ASAP1: variants seen among roughly 807,000 people sequenced by gnomAD.
The protein encoded by ASAP1 is arf-GAP with SH3 domain, ANK repeat and PH domain-containing protein 1.
ASAP1 carries 43 observed loss-of-function variants against 145.2 expected under a neutral mutation model. The observed-to-expected ratio is 0.30, with a 90% CI of 0.23 to 0.38. The LOEUF (loss-of-function observed/expected upper bound fraction) is 0.38. Ranked by LOEUF, ASAP1 falls within the 10% of genes least tolerant of loss-of-function variation. The pLI, the probability that ASAP1 is intolerant of heterozygous loss-of-function variation, is 1.00. For synonymous variants in ASAP1, 546 were observed against 515.5 expected (o/e 1.06, Z -0.80); for missense variants, 1,018 against 1,355.3 (o/e 0.75, Z 3.91).
intron 24 of ASAP1, among the ~76,000 whole-genome samples, chr8:130,100,244 T>C (rs2097526330): frequency 6.6e-6 from 1 of 152,244 alleles, no homozygotes; most frequent in Non-Finnish European, 1.5e-5. Flanking sequence ...GTGGTTTTGA[T>C]TTACATTTCT....
intron 25 of ASAP1, among the ~76,000 whole-genome samples, chr8:130,081,573 T>C (rs1057163512): frequency 8.8e-6 from 1 of 113,164 alleles, no homozygotes; most frequent in Non-Finnish European, 1.8e-5. Context: ...GGAGGGCAGA[T>C]GAAGAGGGCA....
intron 2 of ASAP1, among the ~76,000 whole-genome samples, chr8:130,383,843 T>C (rs1827891646): frequency 1.3e-5 from 2 of 152,266 alleles, no homozygotes; most frequent in Non-Finnish European, 2.9e-5. Flanking sequence ...GACACCTAAC[T>C]GATACAGAAG....
intron 5 of ASAP1, among the ~76,000 whole-genome samples, chr8:130,191,856 G>A (rs1018870591): frequency 7.9e-5 from 12 of 152,174 alleles, no homozygotes; most frequent in East Asian, 7.7e-4. Context: ...AGAGAGGGGC[G>A]GGGAACAGGT....
rs372868568 is a variant in ASAP1 at position 130,189,298 on chromosome 8, C to T, written c.406-1115G>A. 4.6e-5 allele frequency among the ~76,000 whole-genome samples: 7 copies of T among 152,230 alleles called. No homozygotes were observed. In the East Asian group the frequency reaches 1.4e-3, roughly 29 times the overall value. ...TGTATTTTTGTACCTAATAACCAATCCCTCTTTATTCCCTCCTCCCCACTA... is the reference window on the plus strand; with the variant it reads ...TGTATTTTTGTACCTAATAACCAATTCCTCTTTATTCCCTCCTCCCCACTA... On this transcript the variant is annotated intron_variant, in intron 5 of 29. Coordinates refer to ENST00000518721, the MANE Select transcript of ASAP1 (RefSeq NM_018482.4).
chr8:130,271,630 GATA>G (rs1289908883), intron 3 of ASAP1, among the ~76,000 whole-genome samples: 3 of 152,140 alleles, frequency 2.0e-5, no homozygotes, highest in African/African-American at 7.2e-5. Context: ...TTAGGAGTAT[GATA>G]CAAGCCCCAA....
intron 1 of ASAP1, among the ~76,000 whole-genome samples, chr8:130,432,759 GC>G (rs1830181585): frequency 6.6e-6 from 1 of 151,906 alleles, no homozygotes; most frequent in Admixed American, 6.5e-5. Context: ...TTTTTAAGAT[GC>G]AGAAAAATCT....
intron 5 of ASAP1, among the ~76,000 whole-genome samples, chr8:130,188,723 C>CAAAAAAAAAAAAAAAAAAAAAAAA (rs370580190): frequency 3.6e-5 from 3 of 83,844 alleles, no homozygotes; most frequent in African/African-American, 9.4e-5. Context: ...GAGACTCTCT[C>CAAAAAAAAAAAAAAAAAAAAAAAA]AAAAAAAAAA....
intron 18 of ASAP1, among the ~76,000 whole-genome samples, chr8:130,122,891 C>T (rs1713476558): frequency 6.6e-6 from 1 of 152,192 alleles, no homozygotes; most frequent in Non-Finnish European, 1.5e-5. Context: ...GCTGTGCCTT[C>T]AAGGTTTGGG....
intron 1 of ASAP1, 80 bp from the exon 2 acceptor site, chr8:130,402,050 G>A (rs778137161): frequency 1.2e-4 from 113 of 921,142 alleles, no homozygotes; most frequent in Admixed American, 8.0e-4. Flanking sequence ...GACCAAGATC[G>A]GATTTCATAT....
At chr8:130,304,580 C>G (rs992038499) in intron 3 of ASAP1, among the ~76,000 whole-genome samples, 1 of 152,230 alleles carries the variant, frequency 6.6e-6, no homozygotes, top group African/African-American at 2.4e-5. Flanking sequence ...TTCTATGCAT[C>G]TGCCCACCCC....
At chr8:130,356,134 C>T (rs1565240769) in intron 3 of ASAP1, among the ~76,000 whole-genome samples, 1 of 152,350 alleles carries the variant, frequency 6.6e-6, no homozygotes, top group East Asian at 1.9e-4. Context: ...TCAACAGCAA[C>T]TGCATGTAAT....
At chr8:130,338,173 A>G (rs1320223932) in intron 3 of ASAP1, among the ~76,000 whole-genome samples, 1 of 152,188 alleles carries the variant, frequency 6.6e-6, no homozygotes, top group African/African-American at 2.4e-5. Flanking sequence ...GTACAATACA[A>G]ATATTACAGT....
intron 1 of ASAP1, among the ~76,000 whole-genome samples, chr8:130,437,690 G>A (rs1483128367): frequency 6.6e-6 from 1 of 152,232 alleles, no homozygotes; most frequent in Non-Finnish European, 1.5e-5. Context: ...CAGAAGCCTT[G>A]ACCAAAAATT....
chr8:130,225,939 C>T (rs1817561739), intron 4 of ASAP1, among the ~76,000 whole-genome samples: 1 of 152,020 alleles, frequency 6.6e-6, no homozygotes, highest in Non-Finnish European at 1.5e-5. Flanking sequence ...AATGCCGCGG[C>T]ATGGTCATAG....
chr8:130,207,661 T>C (rs926224352), intron 5 of ASAP1, among the ~76,000 whole-genome samples: 3 of 152,194 alleles, frequency 2.0e-5, no homozygotes, highest in African/African-American at 7.2e-5. Context: ...CAGGCCTCAT[T>C]AAAAATCAAA....
chr8:130,172,829 C>T (rs1016979937), intron 9 of ASAP1, among the ~76,000 whole-genome samples: 1 of 152,152 alleles, frequency 6.6e-6, no homozygotes, highest in African/African-American at 2.4e-5. Flanking sequence ...AATGAAAATT[C>T]CTGCCAATTA....
intron 2 of ASAP1, among the ~76,000 whole-genome samples, chr8:130,375,058 T>C (rs1397455666): frequency 1.3e-5 from 2 of 152,220 alleles, no homozygotes; most frequent in Admixed American, 6.5e-5. Flanking sequence ...TGCACATTTA[T>C]GGCTCCGGTT....
intron 1 of ASAP1, among the ~76,000 whole-genome samples, chr8:130,408,968 A>T (rs1829150203): frequency 6.6e-6 from 1 of 152,150 alleles, no homozygotes; most frequent in African/African-American, 2.4e-5. Context: ...GGTAAGTCAA[A>T]TCTCCTCTCC....
intron 1 of ASAP1, among the ~76,000 whole-genome samples, chr8:130,418,011 C>T (rs954879543): frequency 3.9e-5 from 6 of 152,250 alleles, no homozygotes; most frequent in Admixed American, 2.0e-4. Flanking sequence ...ACACGGGGAG[C>T]GGGTCAGCTC....
Sources: gnomAD v4.1 joint callset for allele counts (sites outside exome capture counted in the v4.1 genomes callset) on GRCh38, gnomAD v4.1.1 for gene constraint, MANE v1.5 for transcripts, NCBI Gene and HGNC (gene_info 2026-07-23, HGNC 2026-07-21) for gene names.